NRXN3: variants seen among roughly 807,000 people sequenced by gnomAD.
NRXN3 encodes neurexin 3, also known as neurexin III.
A neutral mutation model predicts 137.6 loss-of-function variants in NRXN3; 32 were observed. That is an observed-to-expected ratio of 0.23 (90% CI 0.18 to 0.31). The LOEUF is 0.31. Among genes scored for constraint, NRXN3 ranks in the 10% least tolerant of loss-of-function variants. The pLI is 1.00. For synonymous variants in NRXN3, 798 were observed against 784.5 expected, an observed-to-expected ratio of 1.02 and a Z score of -0.29; for missense variants, 1,574 against 2,062.5, an observed-to-expected ratio of 0.76 and a Z score of 4.59.
At chr14:78,240,387 C>T (rs1448312291) in intron 1 of NRXN3, among the ~76,000 whole-genome samples, 2 of 152,216 alleles carry the variant, frequency 1.3e-5, no homozygotes, top group African/African-American at 4.8e-5. Context: ...AACATATAAG[C>T]CCCTGGCTGG....
intron 15 of NRXN3, among the ~76,000 whole-genome samples, chr14:79,393,809 G>C (rs957223373): frequency 6.6e-6 from 1 of 152,026 alleles, no homozygotes; most frequent in Non-Finnish European, 1.5e-5. Context: ...GGGCGAGACT[G>C]TCTCAAAAAA....
At chr14:78,396,553 A>C (rs1259381020) in intron 4 of NRXN3, among the ~76,000 whole-genome samples, 1 of 152,180 alleles carries the variant, frequency 6.6e-6, no homozygotes, top group Non-Finnish European at 1.5e-5. Flanking sequence ...TTCATCTGAA[A>C]ATATGTTGAG....
chr14:78,427,480 C>T (rs929918355), intron 4 of NRXN3, among the ~76,000 whole-genome samples: 10 of 152,154 alleles, frequency 6.6e-5, no homozygotes, highest in East Asian at 3.9e-4. Context: ...AAAGATCGAT[C>T]GAAGCCTCTT....
At chr14:78,519,353 C>T (rs1473562323) in intron 4 of NRXN3, among the ~76,000 whole-genome samples, 1 of 152,134 alleles carries the variant, frequency 6.6e-6, no homozygotes, top group Non-Finnish European at 1.5e-5. Flanking sequence ...CAACCTGCTC[C>T]AGTCATCATT....
At chr14:78,602,298 G>C (rs2097208869) in intron 4 of NRXN3, 1 of 107,986 alleles carries the variant, frequency 9.3e-6, no homozygotes, top group South Asian at 2.7e-4. Flanking sequence ...TAAATTCCAA[G>C]GAACTCTACC....
intron 16 of NRXN3, among the ~76,000 whole-genome samples, chr14:79,637,726 G>GTTTTT (rs1447669099): frequency 1.1e-5 from 1 of 93,000 alleles, no homozygotes; most frequent in African/African-American, 8.6e-5. Context: ...ATATAGAAAA[G>GTTTTT]TTCTTTTTTT....
chr14:79,286,574 T>A (rs1305465294), intron 15 of NRXN3, among the ~76,000 whole-genome samples: 1 of 148,160 alleles, frequency 6.7e-6, no homozygotes, highest in Non-Finnish European at 1.5e-5. Context: ...TATATATAAG[T>A]TCTGGTTGTT....
At chr14:78,183,582 A>G (rs2059992784) in intron 1 of NRXN3, among the ~76,000 whole-genome samples, 1 of 152,210 alleles carries the variant, frequency 6.6e-6, no homozygotes, top group Non-Finnish European at 1.5e-5. Context: ...TGTGGAGTTC[A>G]TTTCTTTCAT....
intron 19 of NRXN3, among the ~76,000 whole-genome samples, chr14:79,716,263 C>A (rs558813252): frequency 6.6e-6 from 1 of 152,246 alleles, no homozygotes; most frequent in East Asian, 1.9e-4. Flanking sequence ...GTGCAAGGTT[C>A]CATGGAATGT....
chr14:79,583,932 T>C (rs1200077359), intron 16 of NRXN3, among the ~76,000 whole-genome samples: 1 of 152,160 alleles, frequency 6.6e-6, no homozygotes, highest in African/African-American at 2.4e-5. Flanking sequence ...TTTTGAGTAA[T>C]ATCTGAAGTC....
chr14:78,410,741 C>G (rs2092778435), intron 4 of NRXN3, among the ~76,000 whole-genome samples: 1 of 152,160 alleles, frequency 6.6e-6, no homozygotes, highest in Non-Finnish European at 1.5e-5. Context: ...CAGACTCCTT[C>G]TGAGGATGAT....
At chr14:78,956,012 A>G (rs1271225281) in intron 10 of NRXN3, among the ~76,000 whole-genome samples, 1 of 152,190 alleles carries the variant, frequency 6.6e-6, no homozygotes, top group East Asian at 1.9e-4. Flanking sequence ...TAAAGCTCCT[A>G]CTATGTACTT....
chr14:79,314,223 C>G (rs1428946646), intron 15 of NRXN3: 1 of 136,046 alleles, frequency 7.4e-6, no homozygotes, highest in Non-Finnish European at 1.6e-5. Flanking sequence ...GTGCGCGAGC[C>G]GAAGCAGGGC....
At chr14:78,338,495 G>A (rs996999989) in intron 4 of NRXN3, among the ~76,000 whole-genome samples, 6 of 152,164 alleles carry the variant, frequency 3.9e-5, no homozygotes, top group Non-Finnish European at 5.9e-5. Context: ...TTGTCCCATA[G>A]CAAGCCACCT....
At chr14:79,348,598 G>C (rs1011887399) in intron 15 of NRXN3, among the ~76,000 whole-genome samples, 1 of 151,858 alleles carries the variant, frequency 6.6e-6, no homozygotes, top group African/African-American at 2.4e-5. Context: ...AGGATGGTCT[G>C]GATCTCCTGA....
chr14:79,479,059 G>A (rs896190224), intron 16 of NRXN3, among the ~76,000 whole-genome samples: 1 of 152,076 alleles, frequency 6.6e-6, no homozygotes, highest in Non-Finnish European at 1.5e-5. Context: ...AATGAGGCAT[G>A]GAATCTGATT....
chr14:78,749,291 A>G (rs933738153), intron 8 of NRXN3, among the ~76,000 whole-genome samples: 1 of 152,136 alleles, frequency 6.6e-6, no homozygotes, highest in Non-Finnish European at 1.5e-5. Context: ...ATCCAATCTC[A>G]CCAGCCAATC....
intron 4 of NRXN3, among the ~76,000 whole-genome samples, chr14:78,324,039 C>T (rs976804079): frequency 6.6e-6 from 1 of 152,052 alleles, no homozygotes; most frequent in Admixed American, 6.5e-5. Flanking sequence ...TATCCTCCTA[C>T]TACAGACAGG....
intron 16 of NRXN3, among the ~76,000 whole-genome samples, chr14:79,468,003 T>C (rs544267450): frequency 6.6e-6 from 1 of 152,294 alleles, no homozygotes; most frequent in Admixed American, 6.5e-5. Context: ...AGCATCACTG[T>C]AAGAGATGTA....
Sources: gnomAD v4.1 joint callset for allele counts (sites outside exome capture counted in the v4.1 genomes callset) on GRCh38, gnomAD v4.1.1 for gene constraint, MANE v1.5 for transcripts, NCBI Gene and HGNC (gene_info 2026-07-23, HGNC 2026-07-21) for gene names.